MAGI2: variants seen among roughly 807,000 people sequenced by gnomAD.
MAGI2 encodes the protein membrane-associated guanylate kinase, WW and PDZ domain-containing protein 2.
MAGI2 carries 35 observed loss-of-function variants against 133.3 expected under a neutral mutation model. That is an observed-to-expected ratio of 0.26 (90% CI 0.20 to 0.35). The LOEUF (loss-of-function observed/expected upper bound fraction) is 0.35. MAGI2 is among the 10% of genes least tolerant of loss of function. The probability of loss-of-function intolerance (pLI) is 1.00; values close to 1 mark genes in which losing one functional copy is unlikely to be tolerated. For missense variants in MAGI2, 1,636 were observed against 1,863.4 expected (o/e 0.88, Z 2.25); for synonymous variants, 729 against 710.6 (o/e 1.03, Z -0.41).
intron 1 of MAGI2, among the ~76,000 whole-genome samples, chr7:79,313,139 T>C (rs1672722084): frequency 6.9e-6 from 1 of 145,272 alleles, no homozygotes. Context: ...TCACAGAATA[T>C]ATTTGGGGCT....
chr7:78,646,225 A>G (rs939085784), intron 2 of MAGI2, among the ~76,000 whole-genome samples: 2 of 152,178 alleles, frequency 1.3e-5, no homozygotes, highest in African/African-American at 4.8e-5. Context: ...ATAGAAAAAT[A>G]TTAAAATTTA....
intron 1 of MAGI2, among the ~76,000 whole-genome samples, chr7:79,069,705 G>C (rs565639200): frequency 6.6e-6 from 1 of 152,248 alleles, no homozygotes; most frequent in African/African-American, 2.4e-5. Context: ...AGCATTGATG[G>C]TCTTTACAAT....
intron 1 of MAGI2, among the ~76,000 whole-genome samples, chr7:79,348,965 C>A (rs1209241545): frequency 6.6e-6 from 1 of 151,902 alleles, no homozygotes; most frequent in African/African-American, 2.4e-5. Flanking sequence ...TTACTTTTGA[C>A]AAATATTCAG....
intron 6 of MAGI2, among the ~76,000 whole-genome samples, chr7:78,396,465 T>C (rs1156439133): frequency 6.6e-6 from 1 of 152,200 alleles, no homozygotes; most frequent in Admixed American, 6.6e-5. Flanking sequence ...TGGAACGTTC[T>C]TCCTTAGATG....
chr7:78,094,611 C>T (rs1817536942), intron 20 of MAGI2, among the ~76,000 whole-genome samples: 1 of 152,108 alleles, frequency 6.6e-6, no homozygotes. Flanking sequence ...ACAGAAAATC[C>T]TTATTTTCTT....
At chr7:78,983,868 AT>A (rs1281927796) in intron 2 of MAGI2, among the ~76,000 whole-genome samples, 1 of 151,736 alleles carries the variant, frequency 6.6e-6, no homozygotes, top group Non-Finnish European at 1.5e-5. Context: ...AATCTTATCT[AT>A]TTCCCTGGTT....
At chr7:78,946,688 G>T (rs1333013100) in intron 2 of MAGI2, 3 of 152,096 alleles carry the variant, frequency 2.0e-5, no homozygotes, top group Non-Finnish European at 4.4e-5. Flanking sequence ...CCTGAAAAAT[G>T]GAACCAATAA....
chr7:79,204,113 A>G (rs1468192872), intron 1 of MAGI2, among the ~76,000 whole-genome samples: 1 of 152,120 alleles, frequency 6.6e-6, no homozygotes, highest in East Asian at 1.9e-4. Context: ...ATGTGAGTGC[A>G]AAACTTTACC....
At chr7:79,107,956 T>C (rs1473574197) in intron 1 of MAGI2, among the ~76,000 whole-genome samples, 1 of 152,222 alleles carries the variant, frequency 6.6e-6, no homozygotes, top group African/African-American at 2.4e-5. Flanking sequence ...AAGATAAAAG[T>C]TGTTTTCTAT....
chr7:79,141,327 C>T (rs1217562820), intron 1 of MAGI2, among the ~76,000 whole-genome samples: 1 of 152,116 alleles, frequency 6.6e-6, no homozygotes, highest in African/African-American at 2.4e-5. Flanking sequence ...TTGGATTTTT[C>T]ATATATTTCA....
chr7:78,216,544 C>T (rs907923956), intron 10 of MAGI2, among the ~76,000 whole-genome samples: 1 of 152,222 alleles, frequency 6.6e-6, no homozygotes, highest in Non-Finnish European at 1.5e-5. Context: ...ATGTGCTTTG[C>T]TTTCTCTCCT....
At chr7:78,663,202 C>CT (rs35544274) in intron 2 of MAGI2, among the ~76,000 whole-genome samples, 2,181 of 109,198 alleles carry the variant, frequency 0.02, 71 homozygotes, top group African/African-American at 0.062. Flanking sequence ...TGTACCAACT[C>CT]TTTTTTTTTT....
chr7:79,166,237 T>C (rs910674041), intron 1 of MAGI2, among the ~76,000 whole-genome samples: 8 of 152,082 alleles, frequency 5.3e-5, no homozygotes, highest in Middle Eastern at 3.4e-3. Flanking sequence ...TTACATCATA[T>C]AGCAAAGGGA....
At chr7:78,870,355 GAAA>G (rs34158706) in intron 2 of MAGI2, among the ~76,000 whole-genome samples, 39 of 109,926 alleles carry the variant, frequency 3.5e-4, no homozygotes, top group African/African-American at 1.2e-3. Flanking sequence ...CCCTGTCTCA[GAAA>G]AAAAAAAAAA....
At chr7:78,561,763 T>A (rs1420620311) in intron 3 of MAGI2, among the ~76,000 whole-genome samples, 1 of 152,128 alleles carries the variant, frequency 6.6e-6, no homozygotes, top group Non-Finnish European at 1.5e-5. Context: ...TCTGAATTAT[T>A]AACTAAGAAA....
At chr7:79,265,678 T>G (rs771119833) in intron 1 of MAGI2, among the ~76,000 whole-genome samples, 2 of 152,156 alleles carry the variant, frequency 1.3e-5, no homozygotes, top group South Asian at 2.1e-4. Flanking sequence ...CAAGTAAGTT[T>G]TGAGTTAGAT....
At chr7:78,126,677 G>C (rs906460518) in intron 19 of MAGI2, among the ~76,000 whole-genome samples, 3 of 152,208 alleles carry the variant, frequency 2.0e-5, no homozygotes, top group Non-Finnish European at 2.9e-5. Context: ...TGTAGACAGA[G>C]AGTTGTTGGC....
chr7:78,162,476 A>G (rs62461255), intron 15 of MAGI2, among the ~76,000 whole-genome samples: 18,014 of 150,306 alleles, frequency 0.12, 1,162 homozygotes, highest in East Asian at 0.17. Flanking sequence ...AGTGAGCCAA[A>G]ATCACACCAC....
At chr7:78,507,939 T>A (rs1226562863) in intron 4 of MAGI2, among the ~76,000 whole-genome samples, 1 of 152,208 alleles carries the variant, frequency 6.6e-6, no homozygotes, top group African/African-American at 2.4e-5. Flanking sequence ...TTTATTGTCT[T>A]ACATTCAGGA....
Sources: gnomAD v4.1 joint callset for allele counts (sites outside exome capture counted in the v4.1 genomes callset) on GRCh38, gnomAD v4.1.1 for gene constraint, MANE v1.5 for transcripts, NCBI Gene and HGNC (gene_info 2026-07-23, HGNC 2026-07-21) for gene names.